The following KIF27 variants were observed in gnomAD, a reference collection of about 807,000 sequenced individuals.
KIF27 encodes kinesin-like protein KIF27.
KIF27 carries 84 observed loss-of-function variants against 141.8 expected under a neutral mutation model. That is an observed-to-expected ratio of 0.59 (90% CI 0.50 to 0.71). The LOEUF is 0.71. KIF27 is among the 30% of genes least tolerant of loss of function. The probability of loss-of-function intolerance (pLI) is 0.00; values close to 1 mark genes in which losing one functional copy is unlikely to be tolerated. For synonymous variants in KIF27, 471 were observed against 569.5 expected (o/e 0.83, Z 2.46); for missense variants, 1,306 against 1,628.4 (o/e 0.80, Z 3.41).
intron 9 of KIF27, among the ~76,000 whole-genome samples, chr9:83,885,920 A>C (rs1422239182): frequency 1.3e-5 from 2 of 151,144 alleles, no homozygotes; most frequent in Admixed American, 6.6e-5. Context: ...TCAGTGAGAG[A>C]GCATTAAGGG....
rs1488351259 is a variant in KIF27 at position 83,836,487 on chromosome 9, G to C, written c.*514C>G. On this transcript the variant is annotated 3_prime_UTR_variant, in exon 18 of 18. Transcript: ENST00000297814. ...AGGACTGACCGTTTCTGTGAGTTCTGAGGACTGTAAATGAGCCTCAATCCA... is the reference window on the plus strand; with the variant it reads ...AGGACTGACCGTTTCTGTGAGTTCTCAGGACTGTAAATGAGCCTCAATCCA... Among the ~76,000 whole-genome samples the C allele has an allele frequency of 1.3e-5, 2 of 152,096 alleles. No homozygotes were observed. The highest frequency in any genetic ancestry group is 6.6e-5 in the Admixed American group (1 of 15,262).
intron 14 of KIF27, among the ~76,000 whole-genome samples, chr9:83,855,509 T>C (rs1440660203): frequency 6.6e-6 from 1 of 152,190 alleles, no homozygotes; most frequent in Non-Finnish European, 1.5e-5. Context: ...TGTACTTAGG[T>C]GAATGAATAA....
intron 2 of KIF27, among the ~76,000 whole-genome samples, chr9:83,913,443 A>C (rs1955383130): frequency 6.6e-6 from 1 of 151,464 alleles, no homozygotes; most frequent in Non-Finnish European, 1.5e-5. Flanking sequence ...AATAAATCCA[A>C]CTTTTTTTTT....
At chr9:83,846,497 T>C (rs1947295733) in intron 16 of KIF27, among the ~76,000 whole-genome samples, 1 of 152,200 alleles carries the variant, frequency 6.6e-6, no homozygotes, top group South Asian at 2.1e-4. Context: ...GCTAGATTGA[T>C]GGAACGGTGG....
At chr9:83,838,308 A>T (rs993957406) in intron 17 of KIF27, among the ~76,000 whole-genome samples, 2 of 151,760 alleles carry the variant, frequency 1.3e-5, no homozygotes, top group African/African-American at 4.8e-5. Context: ...ATCTCGGCTC[A>T]CTGCAAGCTC....
chr9:83,862,655 C>A (rs1950035522), intron 13 of KIF27, among the ~76,000 whole-genome samples: 1 of 151,536 alleles, frequency 6.6e-6, no homozygotes, highest in Admixed American at 6.6e-5. Context: ...CTTGGCAATG[C>A]GGGCTCTTTT....
rs1338979760 is a variant in KIF27 at position 83,836,024 on chromosome 9, C to T, written c.*977G>A. ...GTACATTATATAGTAAAATTTTGAC[C>T]AGAAAAACTTGGAGATTTTAGTAAA... On this transcript the variant is annotated 3_prime_UTR_variant, in exon 18 of 18. Coordinates refer to ENST00000297814, the MANE Select transcript of KIF27 (RefSeq NM_017576.4). Among the ~76,000 whole-genome samples the T allele has an allele frequency of 6.6e-6, 1 of 151,906 alleles. No individual in the cohort carries two copies. The highest frequency in any genetic ancestry group is 1.5e-5 in the Non-Finnish European group (1 of 67,970).
At position 83,903,108 on chromosome 9, in the gene KIF27, T is replaced by G; in HGVS notation, c.1410A>C (p.Pro470=). 1 of 1,614,200 alleles carries G rather than the reference T, an allele frequency of 6.2e-7. No homozygotes were observed. Among genetic ancestry groups the G allele is most frequent in the South Asian group, 1.1e-5 (1 of 91,088 alleles). ...IGGTASLEEG[P]QHVTVLQLKR... is the part of the protein sequence containing the mutation. ...TCAGCTGGAGAACTGTAACATGCTG[T>G]GGTCCTTCTTCCAGACTTGCAGTGC... Residue 470 remains proline, a synonymous_variant, in exon 4 of 18, where the codon CCA becomes CCC. Coordinates refer to ENST00000297814, the MANE Select transcript of KIF27 (RefSeq NM_017576.4).
intron 1 of KIF27, among the ~76,000 whole-genome samples, chr9:83,917,759 G>A (rs991558898): frequency 6.6e-6 from 1 of 152,088 alleles, no homozygotes; most frequent in Non-Finnish European, 1.5e-5. Flanking sequence ...AAATAATGAA[G>A]TTGGACTCCC....
At chr9:83,919,358 A>G (rs1956023209) in intron 1 of KIF27, among the ~76,000 whole-genome samples, 1 of 152,212 alleles carries the variant, frequency 6.6e-6, no homozygotes, top group Admixed American at 6.6e-5. Context: ...TGTTCGCATA[A>G]AAACTTACAT....
intron 1 of KIF27, 112 bp downstream of exon 1, chr9:83,921,259 A>C (rs1043259747): frequency 5.3e-5 from 8 of 152,142 alleles, no homozygotes; most frequent in African/African-American, 1.9e-4. Flanking sequence ...ACTAGTCCCA[A>C]CGGCCGGCTG....
rs1277583747 is a variant in KIF27 at position 83,885,797 on chromosome 9, C to T, written c.2239+1244G>A. ...CAGGCGTGTGTCACCATGCCCAGTA[C>T]GCATCAGTAGTTTTTATAAATTTTT... On this transcript the variant is annotated intron_variant, in intron 9 of 17. Transcript: ENST00000297814. 3.9e-5 allele frequency among the ~76,000 whole-genome samples: 6 copies of T among 152,138 alleles called. No homozygotes were observed. In the East Asian group the frequency reaches 5.8e-4, roughly 15 times the overall value.
intron 13 of KIF27, chr9:83,863,637 C>G (rs1213512138): frequency 6.6e-6 from 1 of 152,004 alleles, no homozygotes; most frequent in African/African-American, 2.4e-5. Flanking sequence ...CTAAAATTCT[C>G]TTTTTTTGTT....
chr9:83,856,184 G>A (rs987877856), intron 14 of KIF27, among the ~76,000 whole-genome samples: 10 of 152,074 alleles, frequency 6.6e-5, no homozygotes, highest in Non-Finnish European at 1.3e-4. Flanking sequence ...GTCCACTTGG[G>A]GCCTGAGGAT....
intron 1 of KIF27, among the ~76,000 whole-genome samples, chr9:83,920,840 C>T (rs1481399918): frequency 3.0e-5 from 3 of 99,286 alleles, no homozygotes; most frequent in African/African-American, 1.1e-4. Flanking sequence ...GTAGGAAATG[C>T]GCCCAAGTTT....
chr9:83,858,350 A>T, intron 14 of KIF27: 1 of 152,212 alleles, frequency 6.6e-6, no homozygotes, highest in East Asian at 1.9e-4. Context: ...CTAAAACATT[A>T]CAAGATTCAC....
chr9:83,921,214 C>T (rs982706132), intron 1 of KIF27, among the ~76,000 whole-genome samples, 157 bp downstream of exon 1: 81 of 152,230 alleles, frequency 5.3e-4, no homozygotes, highest in South Asian at 4.1e-4. Flanking sequence ...CCTCCGCTAC[C>T]CACCCGCGGC....
rs2542774 is a variant in KIF27 at position 83,834,640 on chromosome 9, T to C, written c.*2361A>G. On this transcript the variant is annotated 3_prime_UTR_variant, in exon 18 of 18. Transcript: ENST00000297814. ...GGATTCCAGTATCAGAATACATTCT[T>C]AAATGAATTATTCCTAAATAACGCA... Among the ~76,000 whole-genome samples, 11 of 151,922 alleles carry C rather than the reference T, an allele frequency of 7.2e-5. No homozygotes were observed. The highest frequency in any genetic ancestry group is 2.7e-4 in the African/African-American group (11 of 41,428).
chr9:83,909,429 G>T (rs1227618968), intron 2 of KIF27, among the ~76,000 whole-genome samples: 1 of 152,050 alleles, frequency 6.6e-6, no homozygotes, highest in Non-Finnish European at 1.5e-5. Flanking sequence ...GGGAAACATG[G>T]TGAAACCCTG....
Sources: allele counts gnomAD v4.1 joint callset (sites outside exome capture counted in the v4.1 genomes callset), GRCh38; gene constraint gnomAD v4.1.1; transcripts MANE v1.5; gene names NCBI Gene and HGNC (gene_info 2026-07-23, HGNC 2026-07-21).